Variants in SCEL observed in about 807,000 individuals in gnomAD.
SCEL encodes sciellin.
In SCEL, 113 loss-of-function variants were observed where a neutral mutation model predicts 117.6. That is an observed-to-expected ratio of 0.96 (90% confidence interval 0.83 to 1.12). The LOEUF is 1.12. Ranked by LOEUF, SCEL falls within the 50% of genes most tolerant of loss-of-function variation. The probability of loss-of-function intolerance (pLI) is 0.00; values close to 1 mark genes in which losing one functional copy is unlikely to be tolerated. For missense variants in SCEL, 785 were observed against 810.8 expected (o/e 0.97, Z 0.39); for synonymous variants, 270 against 256.2 (o/e 1.05, Z -0.51).
intron 9 of SCEL, among the ~76,000 whole-genome samples, chr13:77,587,095 C>T (rs2086607594): frequency 6.6e-6 from 1 of 151,978 alleles, no homozygotes; most frequent in Non-Finnish European, 1.5e-5. Context: ...CTTTCTCACA[C>T]AGTCCTAATC....
At chr13:77,547,856 G>A (rs769532051) in intron 1 of SCEL, among the ~76,000 whole-genome samples, 1 of 152,128 alleles carries the variant, frequency 6.6e-6, no homozygotes, top group South Asian at 2.1e-4. Context: ...CTAGCCTCAG[G>A]TATCCTATAA....
In SCEL at chr13:77,616,002, CTCTGTGTGTGTGTGTG is replaced by C. The variant is rs1453727337; in HGVS notation, c.1452-1595_1452-1580del. ...ATATTATTTCATAAAATTTATGTCTCTCTGTGTGTGTGTGTGTGTGTGTGTGTGTGTGTGTGTGTGT... is the reference window on the plus strand; with the variant it reads ...ATATTATTTCATAAAATTTATGTCTCTGTGTGTGTGTGTGTGTGTGTGTGT... On this transcript the variant is annotated intron_variant, in intron 24 of 32. Transcript: ENST00000349847. Among the ~76,000 whole-genome samples the C allele has an allele frequency of 2.2e-3, 319 of 141,912 alleles. 2 individuals carry two copies. The highest frequency in any genetic ancestry group is 6.8e-3 in the African/African-American group (265 of 38,840). The allele number at this position is 141,912 out of a possible 152,430, so 93.1% of individuals were successfully genotyped here.
At position 77,586,139 on chromosome 13, in the gene SCEL, T is replaced by C. The variant is rs376893238; in HGVS notation, c.546-3005T>C. ...TTGAAGACTTCAGCACCACGCTCAC[T>C]GTCTTTCCCAAACCCTCCTCTTGTC... On this transcript the variant is annotated intron_variant, in intron 9 of 32. Transcript: ENST00000349847. 3.1e-4 allele frequency among the ~76,000 whole-genome samples: 47 copies of C among 152,228 alleles called. No homozygotes were observed. The East Asian group carries it at 8.1e-3, about 26-fold the overall frequency.
chr13:77,547,434 G>A (rs138806951), intron 1 of SCEL, among the ~76,000 whole-genome samples: 10 of 152,196 alleles, frequency 6.6e-5, no homozygotes, highest in African/African-American at 2.4e-4. Context: ...TTGACAAAAA[G>A]GTATGATGGA....
intron 9 of SCEL, among the ~76,000 whole-genome samples, chr13:77,581,395 A>G (rs900143346): frequency 6.6e-6 from 1 of 152,220 alleles, no homozygotes; most frequent in East Asian, 1.9e-4. Flanking sequence ...CTTCAGTCCT[A>G]TGGGAACAAC....
At chr13:77,565,687 A>T (rs2085249626) in intron 5 of SCEL, among the ~76,000 whole-genome samples, 1 of 152,254 alleles carries the variant, frequency 6.6e-6, no homozygotes, top group South Asian at 2.1e-4. Context: ...ATAATGATGC[A>T]CTTGTTTTAA....
At chr13:77,629,847 A>G (rs1262032253) in intron 28 of SCEL, among the ~76,000 whole-genome samples, 3 of 152,192 alleles carry the variant, frequency 2.0e-5, no homozygotes, top group African/African-American at 7.2e-5. Context: ...GAAAGCCAGC[A>G]AGGCCTGTGT....
chr13:77,593,116 G>C (rs1423435526), intron 11 of SCEL, among the ~76,000 whole-genome samples: 3 of 152,102 alleles, frequency 2.0e-5, no homozygotes, highest in African/African-American at 7.2e-5. Flanking sequence ...GTGTTTACTT[G>C]TCAGTTAAAT....
intron 1 of SCEL, among the ~76,000 whole-genome samples, chr13:77,536,751 C>T (rs901268496): frequency 2.0e-5 from 3 of 152,218 alleles, no homozygotes; most frequent in African/African-American, 7.2e-5. Flanking sequence ...CTGTGTCCTC[C>T]AGAGAGGTGC....
At chr13:77,549,757 C>T (rs921830937) in intron 1 of SCEL, among the ~76,000 whole-genome samples, 3 of 152,110 alleles carry the variant, frequency 2.0e-5, no homozygotes, top group Non-Finnish European at 4.4e-5. Flanking sequence ...GGTCAGAGAG[C>T]ATATTTTCAG....
chr13:77,596,688 G>GGTGTGTGT lies in SCEL; in HGVS notation c.753-829_753-822dup, dbSNP rs71102762. On this transcript the variant is annotated intron_variant, in intron 12 of 32. Coordinates refer to ENST00000349847, the MANE Select transcript of SCEL (RefSeq NM_144777.3). ...GAGGAAGGCAAGAGAGGTGGGGCAAGGTGTGTGTGTGTGTGTGTGTGTGTG... is the reference window on the plus strand; with the variant it reads ...GAGGAAGGCAAGAGAGGTGGGGCAAGGTGTGTGTGTGTGTGTGTGTGTGTGTGTGTGTG... 2.9e-3 allele frequency among the ~76,000 whole-genome samples: 417 copies of GGTGTGTGT among 145,458 alleles called. 3 individuals carry two copies. Among genetic ancestry groups the GGTGTGTGT allele is most frequent in the African/African-American group, 7.4e-3 (294 of 39,766 alleles).
At chr13:77,545,740 AAG>A (rs1567332574) in intron 1 of SCEL, among the ~76,000 whole-genome samples, 1 of 152,230 alleles carries the variant, frequency 6.6e-6, no homozygotes, top group Admixed American at 6.5e-5. Context: ...CTAAGAGAAG[AAG>A]AGAGCAGCGA....
chr13:77,544,082 A>C (rs549146034), intron 1 of SCEL, among the ~76,000 whole-genome samples: 3 of 152,342 alleles, frequency 2.0e-5, no homozygotes, highest in African/African-American at 7.2e-5. Flanking sequence ...GTATAATAAT[A>C]GTAACAACCT....
intron 28 of SCEL, among the ~76,000 whole-genome samples, chr13:77,633,576 G>A (rs562828408): frequency 5.4e-4 from 82 of 151,290 alleles, no homozygotes; most frequent in African/African-American, 2.0e-3. Flanking sequence ...CAAAATACTT[G>A]TGTTTGCTTT....
intron 24 of SCEL, among the ~76,000 whole-genome samples, chr13:77,615,541 T>G (rs982716798): frequency 2.0e-5 from 3 of 152,120 alleles, no homozygotes. Flanking sequence ...GCTTTTAAAC[T>G]GCATGAAAGT....
chr13:77,637,922 C>T (rs1475511499), intron 30 of SCEL, among the ~76,000 whole-genome samples: 1 of 152,094 alleles, frequency 6.6e-6, no homozygotes, highest in African/African-American at 2.4e-5. Flanking sequence ...CAGTGGAGCA[C>T]CTAGGTGACA....
At chr13:77,545,412 T>A (rs886429410) in intron 1 of SCEL, among the ~76,000 whole-genome samples, 1 of 152,212 alleles carries the variant, frequency 6.6e-6, no homozygotes, top group African/African-American at 2.4e-5. Flanking sequence ...GCATTTTTTT[T>A]AATACTACCA....
chr13:77,614,802 A>G (rs1397137231), intron 24 of SCEL, among the ~76,000 whole-genome samples: 2 of 152,162 alleles, frequency 1.3e-5, no homozygotes, highest in East Asian at 3.8e-4. Flanking sequence ...GAAGACTGAT[A>G]GTAGTTCTAT....
At chr13:77,640,612 A>G (rs2090512267) in intron 30 of SCEL, 64 bp from the exon 31 acceptor site, 1 of 688,448 alleles carries the variant, frequency 1.5e-6, no homozygotes, top group East Asian at 3.0e-5. Context: ...ATGTGAGTTT[A>G]TAGGGAATAC....
Sources: allele counts gnomAD v4.1 joint callset (sites outside exome capture counted in the v4.1 genomes callset), GRCh38; gene constraint gnomAD v4.1.1; transcripts MANE v1.5; gene names NCBI Gene and HGNC (gene_info 2026-07-23, HGNC 2026-07-21).